The following RIN2 variants were observed in gnomAD, a reference collection of about 807,000 sequenced individuals.
RIN2 encodes RAB5 interacting protein 2.
RIN2 carries 36 observed loss-of-function variants against 78.0 expected under a neutral mutation model. That is an observed-to-expected ratio of 0.46 (90% CI 0.35 to 0.61). RIN2 has a LOEUF of 0.61. Ranked by LOEUF, RIN2 falls within the 20% of genes least tolerant of loss-of-function variation. The pLI is 0.00. For missense variants in RIN2, 1,087 were observed against 1,159.7 expected (o/e 0.94, Z 0.91); for synonymous variants, 466 against 466.8 (o/e 1.00, Z 0.02).
chr20:19,764,918 G>GTTTTTTGTTTTTTTTT (rs2033806296), intron 1 of RIN2, among the ~76,000 whole-genome samples: 1 of 50,362 alleles, frequency 2.0e-5, no homozygotes, highest in African/African-American at 6.5e-5. Context: ...CACTTTCTGC[G>GTTTTTTGTTTTTTTTT]TTTTTTTTTT....
intron 2 of RIN2, among the ~76,000 whole-genome samples, chr20:19,865,366 C>T (rs185999500): frequency 5.3e-5 from 8 of 152,280 alleles, no homozygotes; most frequent in Admixed American, 2.6e-4. Context: ...AAGATCAGCT[C>T]AGCTAAATAA....
chr20:19,890,698 A>AAAAAC, intron 3 of RIN2, among the ~76,000 whole-genome samples: 2 of 150,010 alleles, frequency 1.3e-5, no homozygotes, highest in South Asian at 2.1e-4. Context: ...AAAAAAAAAA[A>AAAAAC]AAAAACCATC....
In RIN2 at chr20:19,796,404, GGTTCATTAAGGGGTGAA is replaced by G. The variant is rs1446327194; in HGVS notation, c.-162-3214_-162-3198del. On this transcript the variant is annotated intron_variant, in intron 1 of 12. Coordinates refer to ENST00000255006, the MANE Select transcript of RIN2 (RefSeq NM_018993.4). ...AGGTCATGATCCCCCAGTGAACTGT[GGTTCATTAAGGGGTGAA>G]GTTGGGTATATCCAGCGTTGTTTTA... is the stretch of plus-strand genomic sequence containing the variant. Among the ~76,000 whole-genome samples the G allele has an allele frequency of 3.9e-5, 6 of 152,278 alleles. No individual in the cohort carries two copies. The East Asian group carries it at 1.2e-3, about 29-fold the overall frequency.
intron 1 of RIN2, among the ~76,000 whole-genome samples, chr20:19,769,637 A>G (rs1747049731): frequency 6.6e-6 from 1 of 152,214 alleles, no homozygotes. Context: ...GGCGGCTGCA[A>G]TTTGACATGA....
intron 3 of RIN2, among the ~76,000 whole-genome samples, chr20:19,897,663 C>T (rs1737281739): frequency 6.6e-6 from 1 of 152,016 alleles, no homozygotes. Flanking sequence ...CAGAAAACTC[C>T]ATCTGAAGAG....
At chr20:19,788,220 T>G (rs189073231) in intron 1 of RIN2, among the ~76,000 whole-genome samples, 2 of 152,102 alleles carry the variant, frequency 1.3e-5, no homozygotes, top group Non-Finnish European at 2.9e-5. Flanking sequence ...TCTATCACTC[T>G]GTCATCTGTA....
intron 7 of RIN2, among the ~76,000 whole-genome samples, chr20:19,965,773 G>A (rs2146281045): frequency 6.6e-6 from 1 of 152,104 alleles, no homozygotes; most frequent in South Asian, 2.1e-4. Flanking sequence ...CACTATGCCT[G>A]GCTAATTTTT....
chr20:19,975,288 G>A lies in RIN2; in HGVS notation c.1263G>A (p.Pro421=), dbSNP rs769570295. Reference sequence around the variant, plus strand: ...CGCCCAGCTCTGAATCACGGCCCCCGTGCCATGGAGGCCGGCAGCGGCTGA... The same window carrying A: ...CGCCCAGCTCTGAATCACGGCCCCCATGCCATGGAGGCCGGCAGCGGCTGA... ...APPPSSESRP[P]CHGGRQRLSD... The change falls in exon 9 of 13, where the codon CCG becomes CCA. Residue 421 remains proline (P), a synonymous_variant. Transcript: ENST00000255006. The surrounding 1 kb of genome is among the most constrained non-coding windows in gnomAD (Gnocchi z 4.9). 1.9e-6 allele frequency: 3 copies of A among 1,601,550 alleles called. No individual in the cohort carries two copies. Among genetic ancestry groups the A allele is most frequent in the East Asian group, 2.3e-5 (1 of 44,308 alleles).
intron 4 of RIN2, among the ~76,000 whole-genome samples, chr20:19,947,848 C>G (rs993689520): frequency 1.3e-5 from 2 of 152,358 alleles, no homozygotes; most frequent in East Asian, 3.9e-4. Context: ...CTTGTAGATT[C>G]CACCAGGATT....
rs8125075 is a variant in RIN2 at position 19,974,370 on chromosome 20, A to G, written c.629-284A>G. Among the ~76,000 whole-genome samples, 332 of 152,082 alleles carry G rather than the reference A, an allele frequency of 2.2e-3. 1 individual carries two copies. Among genetic ancestry groups the G allele is most frequent in the African/African-American group, 7.6e-3 (314 of 41,474 alleles). Reference sequence around the variant, plus strand: ...CAATTCCAGTTCCTTTTTTTCTTCCAACTTACCTGTGAAAAGGCAGGGCTG... The same window carrying G: ...CAATTCCAGTTCCTTTTTTTCTTCCGACTTACCTGTGAAAAGGCAGGGCTG... On this transcript the variant is annotated intron_variant, in intron 8 of 12. Transcript: ENST00000255006.
At chr20:19,813,069 C>T (rs1433890981) in intron 2 of RIN2, among the ~76,000 whole-genome samples, 2 of 152,286 alleles carry the variant, frequency 1.3e-5, no homozygotes, top group East Asian at 3.9e-4. Flanking sequence ...AGAACACAGG[C>T]ACTAGTAAGC....
At chr20:19,951,037 G>T (rs771794854) in intron 4 of RIN2, among the ~76,000 whole-genome samples, 12 of 151,966 alleles carry the variant, frequency 7.9e-5, no homozygotes, top group Non-Finnish European at 1.6e-4. Context: ...CCAGAGGAAC[G>T]CTCCATCATG....
intron 2 of RIN2, among the ~76,000 whole-genome samples, chr20:19,804,681 AGGTTTT>A (rs950661895): frequency 1.3e-5 from 2 of 152,164 alleles, no homozygotes; most frequent in African/African-American, 4.8e-5. Context: ...TATCTCTGCC[AGGTTTT>A]GGTATCAGGA....
intron 3 of RIN2, among the ~76,000 whole-genome samples, chr20:19,910,725 C>T (rs637316): frequency 0.27 from 40,959 of 151,288 alleles, 6,874 homozygotes; most frequent in East Asian, 0.54. Context: ...CCCACTACCA[C>T]GCCCGGCTAA....
intron 9 of RIN2, among the ~76,000 whole-genome samples, chr20:19,981,909 T>C (rs1049037032): frequency 1.3e-5 from 2 of 152,180 alleles, no homozygotes; most frequent in Non-Finnish European, 2.9e-5. Context: ...GCCTGGGCGG[T>C]GATTTCATCG....
chr20:19,758,604 G>A (rs1002016069), intron 1 of RIN2, among the ~76,000 whole-genome samples: 1 of 152,194 alleles, frequency 6.6e-6, no homozygotes. Context: ...GGGTCACCGG[G>A]TGTCCTCAGC....
intron 9 of RIN2, among the ~76,000 whole-genome samples, chr20:19,982,791 T>A (rs1183274109): frequency 6.6e-6 from 1 of 152,196 alleles, no homozygotes; most frequent in African/African-American, 2.4e-5. Flanking sequence ...GGGGAATTGA[T>A]GCCCGTCCAC....
intron 1 of RIN2, among the ~76,000 whole-genome samples, chr20:19,781,442 C>T (rs987091273): frequency 3.9e-5 from 6 of 152,136 alleles, no homozygotes; most frequent in African/African-American, 1.4e-4. Flanking sequence ...ATGAGTGTTG[C>T]ATCATTCAGG....
At chr20:19,923,880 C>CTTAGTGTCTTG (rs2040035144) in intron 3 of RIN2, among the ~76,000 whole-genome samples, 1 of 151,878 alleles carries the variant, frequency 6.6e-6, no homozygotes, top group Non-Finnish European at 1.5e-5. Flanking sequence ...TGTCTTGAAC[C>CTTAGTGTCTTG]AACAGGGCTA....
Sources: gnomAD v4.1 joint callset for allele counts (sites outside exome capture counted in the v4.1 genomes callset) on GRCh38, gnomAD v4.1.1 for gene constraint, Gnocchi (gnomAD v3.1) non-coding constraint, MANE v1.5 for transcripts, NCBI Gene and HGNC (gene_info 2026-07-23, HGNC 2026-07-21) for gene names.